The following RNF212B variants were observed in gnomAD, a reference collection of about 807,000 sequenced individuals.
RNF212B encodes E3 ubiquitin-protein ligase RNF212B.
A neutral mutation model predicts 55.5 loss-of-function variants in RNF212B; 52 were observed. That is an observed-to-expected ratio of 0.94 (90% confidence interval 0.75 to 1.18). The LOEUF (loss-of-function observed/expected upper bound fraction) is 1.18. Among genes scored for constraint, RNF212B ranks in the 50% most tolerant of loss-of-function variants. The pLI, the probability that RNF212B is intolerant of heterozygous loss-of-function variation, is 0.00. For synonymous variants in RNF212B, 99 were observed against 121.4 expected, an observed-to-expected ratio of 0.82 and a Z score of 1.21; for missense variants, 289 against 350.4, an observed-to-expected ratio of 0.82 and a Z score of 1.40.
At chr14:23,217,723 A>G (rs79002170) in intron 2 of RNF212B, among the ~76,000 whole-genome samples, 9,294 of 152,140 alleles carry the variant, frequency 0.061, 319 homozygotes, top group Middle Eastern at 0.12. Context: ...AGGGCTTGGG[A>G]CCCAGGTCTG....
rs1408736410 is a variant in RNF212B at position 23,222,696 on chromosome 14, C to G, written c.-1-17649C>G. On this transcript the variant is annotated intron_variant, in intron 2 of 15. Transcript: ENST00000399910. ...AACATCAGAAAAAGAAAACTATGGC[C>G]AATATCTCTGATGAATATTGATGCG... Among the ~76,000 whole-genome samples the G allele has an allele frequency of 2.0e-5, 3 of 152,176 alleles. No homozygotes were observed. The East Asian group carries it at 5.8e-4, about 29-fold the overall frequency.
chr14:23,214,117 A>T (rs1187600463), intron 2 of RNF212B, among the ~76,000 whole-genome samples: 2 of 152,206 alleles, frequency 1.3e-5, no homozygotes, highest in African/African-American at 4.8e-5. Context: ...TATCTTTTTT[A>T]AAAAAGCTTC....
chr14:23,247,201 G>C (rs1884051362), intron 4 of RNF212B, among the ~76,000 whole-genome samples: 1 of 149,606 alleles, frequency 6.7e-6, no homozygotes, highest in Non-Finnish European at 1.5e-5. Flanking sequence ...TTTTTTTTTA[G>C]GTCCACTAGT....
intron 2 of RNF212B, among the ~76,000 whole-genome samples, chr14:23,230,916 C>T (rs1289557461): frequency 6.6e-6 from 1 of 152,104 alleles, no homozygotes; most frequent in Non-Finnish European, 1.5e-5. Flanking sequence ...TGTCAAAAAT[C>T]AACTGACCAT....
chr14:23,220,185 GAAAAACAAAAACAAAAACAAAAAC>G (rs55781375), intron 2 of RNF212B, among the ~76,000 whole-genome samples: 24 of 144,248 alleles, frequency 1.7e-4, no homozygotes, highest in South Asian at 4.6e-4. Context: ...ACTGTCTCGG[GAAAAACAAAAACAAAAACAAAAAC>G]AAAAACAAAA....
chr14:23,207,538 G>A lies in RNF212B; in HGVS notation c.-2+14137G>A, dbSNP rs114185968. 3.2e-3 allele frequency among the ~76,000 whole-genome samples: 490 copies of A among 152,298 alleles called. 4 individuals are homozygous for A. The highest frequency in any genetic ancestry group is 0.011 in the African/African-American group (455 of 41,550). On this transcript the variant is annotated intron_variant, in intron 2 of 15. Coordinates refer to the RNF212B transcript ENST00000399910. Reference sequence around the variant, plus strand: ...AATTTGGGGAGATCAGGCATTCTCTGTAGAGGGTATTTTCAGACCTCAGCA... The same window carrying A: ...AATTTGGGGAGATCAGGCATTCTCTATAGAGGGTATTTTCAGACCTCAGCA...
intron 2 of RNF212B, among the ~76,000 whole-genome samples, chr14:23,222,836 T>C (rs1444844561): frequency 6.6e-6 from 1 of 152,056 alleles, no homozygotes; most frequent in Non-Finnish European, 1.5e-5. Context: ...GGGGATCATC[T>C]GAGGTCAGGA....
chr14:23,193,249 A>G (rs919287151), intron 1 of RNF212B: 4 of 152,216 alleles, frequency 2.6e-5, no homozygotes, highest in Non-Finnish European at 5.9e-5. Flanking sequence ...CAAAGTATCA[A>G]TCAAAAGTGG....
upstream of RNF212B, among the ~76,000 whole-genome samples, chr14:23,237,494 A>C (rs1017544374): frequency 1.3e-5 from 2 of 152,036 alleles, no homozygotes; most frequent in African/African-American, 4.8e-5. Flanking sequence ...TTAATATCAC[A>C]CTGTTCTTTG....
At chr14:23,236,564 CAACA>C (rs1176083154), upstream of RNF212B, among the ~76,000 whole-genome samples, 2 of 152,054 alleles carry the variant, frequency 1.3e-5, no homozygotes, top group Non-Finnish European at 2.9e-5. Flanking sequence ...CAAACAACAA[CAACA>C]AACAAACACA....
chr14:23,237,340 G>C (rs1463775315), upstream of RNF212B, among the ~76,000 whole-genome samples: 2 of 152,166 alleles, frequency 1.3e-5, no homozygotes, highest in Non-Finnish European at 1.5e-5. Flanking sequence ...ATGTTGGCCA[G>C]TCTGGTCTAT....
chr14:23,185,583 T>G (rs1006236910), intron 1 of RNF212B: 1 of 152,226 alleles, frequency 6.6e-6, no homozygotes, highest in African/African-American at 2.4e-5. Context: ...TGAGGTCTCT[T>G]GCTAAAACCA....
At chr14:23,199,365 G>A (rs1370695602) in intron 2 of RNF212B, among the ~76,000 whole-genome samples, 1 of 152,140 alleles carries the variant, frequency 6.6e-6, no homozygotes, top group African/African-American at 2.4e-5. Context: ...GATTCTGTTA[G>A]CCTTTCCAAA....
intron 2 of RNF212B, among the ~76,000 whole-genome samples, chr14:23,222,434 T>C (rs1881652646): frequency 6.6e-6 from 1 of 152,030 alleles, no homozygotes. Flanking sequence ...GATTGAACTA[T>C]GAAGAAAACC....
chr14:23,237,205 C>T (rs1198190923), upstream of RNF212B, among the ~76,000 whole-genome samples: 1 of 151,838 alleles, frequency 6.6e-6, no homozygotes. Flanking sequence ...TCTCGGCTCA[C>T]TGCAACCTCC....
At chr14:23,215,123 C>T (rs910895144) in intron 2 of RNF212B, among the ~76,000 whole-genome samples, 1 of 152,080 alleles carries the variant, frequency 6.6e-6, no homozygotes, top group Admixed American at 6.6e-5. Context: ...CCATACTGTT[C>T]TCATGATGGT....
chr14:23,262,552 G>C (rs1885370482), intron 7 of RNF212B, 113 bp from the exon 8 acceptor site: 1 of 891,564 alleles, frequency 1.1e-6, no homozygotes, highest in African/African-American at 1.7e-5. Flanking sequence ...TAAGCAATTT[G>C]TCCTCAGAGA....
chr14:23,242,081 CA>C (rs58497672), intron 2 of RNF212B, among the ~76,000 whole-genome samples: 1,866 of 36,610 alleles, frequency 0.051, 11 homozygotes, highest in African/African-American at 0.17. Context: ...GACTCCGTCT[CA>C]AAAAAAAAAA....
chr14:23,199,796 G>A (rs929243410), intron 2 of RNF212B, among the ~76,000 whole-genome samples: 17 of 152,206 alleles, frequency 1.1e-4, no homozygotes, highest in Middle Eastern at 3.4e-3. Flanking sequence ...CAGTAGGCAG[G>A]TATGTAAATT....
Sources: allele counts gnomAD v4.1 joint callset (sites outside exome capture counted in the v4.1 genomes callset), GRCh38; gene constraint gnomAD v4.1.1; transcripts MANE v1.5; gene names NCBI Gene and HGNC (gene_info 2026-07-23, HGNC 2026-07-21).